The following GMCL1 variants were observed in gnomAD, a reference collection of about 807,000 sequenced individuals.
GMCL1 encodes germ cell-less 1, spermatogenesis associated.
A neutral mutation model predicts 75.5 loss-of-function variants in GMCL1; 54 were observed. The observed-to-expected ratio is 0.71, with a 90% CI of 0.57 to 0.90. GMCL1 has a LOEUF of 0.90. GMCL1 is among the 40% of genes least tolerant of loss of function. The pLI, the probability that GMCL1 is intolerant of heterozygous loss-of-function variation, is 0.00. For synonymous variants in GMCL1, 210 were observed against 209.6 expected, an observed-to-expected ratio of 1.00 and a Z score of -0.02; for missense variants, 537 against 622.7, an observed-to-expected ratio of 0.86 and a Z score of 1.47.
chr2:69,839,385 A>T, intron 2 of GMCL1, 72 bp from the exon 3 acceptor site: 1 of 904,426 alleles, frequency 1.1e-6, no homozygotes, highest in Non-Finnish European at 1.8e-6. Context: ...GTTGCTTAGA[A>T]TTAGAAATGG....
chr2:69,854,962 T>C lies in GMCL1; in HGVS notation c.1072+2T>C. Reference sequence around the variant, plus strand: ...AACAAGATGCTGTAGTACCTTCAGGTAAGAGAACATAATTTGTAATTTTAA... The same window carrying C: ...AACAAGATGCTGTAGTACCTTCAGGCAAGAGAACATAATTTGTAATTTTAA... On this transcript the variant is annotated splice_donor_variant, in intron 9 of 13. Transcript: ENST00000282570. LOFTEE classifies it high-confidence loss of function. The C allele has an allele frequency of 6.3e-7, 1 of 1,582,910 alleles. No homozygotes were observed. Among genetic ancestry groups the C allele is most frequent in the Non-Finnish European group, 8.6e-7 (1 of 1,163,014 alleles).
intron 2 of GMCL1, 122 bp downstream of exon 2, chr2:69,837,792 G>A: frequency 8.5e-7 from 1 of 1,170,398 alleles, no homozygotes; most frequent in Non-Finnish European, 1.2e-6. Flanking sequence ...CCTCTCATTT[G>A]ATCAGTCTGT....
intron 1 of GMCL1, among the ~76,000 whole-genome samples, chr2:69,831,638 C>T (rs1345575299): frequency 6.6e-6 from 1 of 151,950 alleles, no homozygotes; most frequent in East Asian, 1.9e-4. Flanking sequence ...GACAGGGTCT[C>T]GCTGTGTCGC....
intron 8 of GMCL1, among the ~76,000 whole-genome samples, 200 bp downstream of exon 8, chr2:69,849,942 G>T (rs531796924): frequency 6.6e-6 from 1 of 152,270 alleles, no homozygotes; most frequent in East Asian, 1.9e-4. Flanking sequence ...ATCAAGGCTA[G>T]ATAAGAAAAA....
intron 10 of GMCL1, among the ~76,000 whole-genome samples, chr2:69,863,903 A>G (rs934868439): frequency 3.3e-5 from 5 of 151,658 alleles, no homozygotes; most frequent in Admixed American, 6.6e-5. Context: ...TTTATCCACT[A>G]TTTCTTCTGC....
chr2:69,844,834 C>A, intron 6 of GMCL1: 1 of 377,788 alleles, frequency 2.6e-6, no homozygotes, highest in South Asian at 2.0e-5. Flanking sequence ...TTCACCGTCA[C>A]CTCCTGGTAC....
chr2:69,835,397 T>G (rs968903438), intron 1 of GMCL1, among the ~76,000 whole-genome samples: 1 of 152,074 alleles, frequency 6.6e-6, no homozygotes, highest in Admixed American at 6.5e-5. Context: ...CTCTTTTCCC[T>G]GAATTATATG....
intron 8 of GMCL1, 81 bp from the exon 9 acceptor site, chr2:69,854,742 T>A: frequency 9.0e-7 from 1 of 1,108,210 alleles, no homozygotes; most frequent in Non-Finnish European, 1.3e-6. Context: ...GACATGAATG[T>A]ACGTATCCCC....
Position 69,879,642 on chromosome 2 carries a change from AT to A in GMCL1, c.*640del, listed in dbSNP as rs1291739130. On this transcript the variant is annotated 3_prime_UTR_variant, in exon 14 of 14. Transcript: ENST00000282570. The stretch of plus-strand genomic sequence containing the variant: ...CTTTTTTTAAAACTTAAGCATTGTC[AT>A]TGCTATTTTTTTTAATTTGACTTTC... 1 of 152,066 alleles carries A rather than the reference AT, an allele frequency of 6.6e-6. No homozygotes were observed. The highest frequency in any genetic ancestry group is 1.5e-5 in the Non-Finnish European group (1 of 67,996). The allele number at this position is 152,066 out of a possible 1,614,324, so 9.4% of individuals were successfully genotyped here. A position where few individuals can be genotyped will look rare whatever the true frequency, so the allele number is the denominator to read the frequency against.
intron 12 of GMCL1, among the ~76,000 whole-genome samples, chr2:69,871,534 A>G (rs997040461): frequency 2.6e-5 from 4 of 152,336 alleles, no homozygotes; most frequent in African/African-American, 4.8e-5. Context: ...ACCACAATAA[A>G]AACATTTATA....
chr2:69,830,338 C>T (rs962304226), intron 1 of GMCL1, among the ~76,000 whole-genome samples, 186 bp downstream of exon 1: 1 of 152,180 alleles, frequency 6.6e-6, no homozygotes, highest in Admixed American at 6.5e-5. Flanking sequence ...TGGGAGACGC[C>T]AGGTGTTCCG....
intron 2 of GMCL1, among the ~76,000 whole-genome samples, chr2:69,838,212 C>T (rs1191044793): frequency 6.6e-6 from 1 of 151,762 alleles, no homozygotes; most frequent in Non-Finnish European, 1.5e-5. Flanking sequence ...TGTTGGGCAC[C>T]TGTAATCCCA....
In GMCL1 at chr2:69,869,332, C is replaced by T. The variant is rs75853541; in HGVS notation, c.1219-387C>T. Among the ~76,000 whole-genome samples the T allele has an allele frequency of 5.6e-3, 814 of 144,294 alleles. 20 individuals carry two copies. The East Asian group carries it at 0.061, about 11-fold the overall frequency. 94.7% of individuals were successfully genotyped at this position (144,294 alleles called of 152,430 possible). On this transcript the variant is annotated intron_variant, in intron 11 of 13. Coordinates refer to ENST00000282570, the MANE Select transcript of GMCL1 (RefSeq NM_178439.5). The stretch of plus-strand genomic sequence containing the variant: ...ACTTGGGAGGCTGAGGCAGGAGAAT[C>T]GCTTGAACCCGGGAGGTGGAGGTTG...
intron 8 of GMCL1, among the ~76,000 whole-genome samples, 188 bp downstream of exon 8, chr2:69,849,930 A>C (rs1238927425): frequency 6.6e-6 from 1 of 152,220 alleles, no homozygotes; most frequent in African/African-American, 2.4e-5. Context: ...TACAGTGAGA[A>C]AATCAAGGCT....
chr2:69,875,600 T>C (rs1478259146), intron 13 of GMCL1, among the ~76,000 whole-genome samples: 3 of 152,202 alleles, frequency 2.0e-5, no homozygotes, highest in African/African-American at 7.2e-5. Context: ...TTTTCTACAT[T>C]TACGTAGGTC....
chr2:69,841,098 G>A, intron 4 of GMCL1, 59 bp downstream of exon 4: 1 of 1,214,936 alleles, frequency 8.2e-7, no homozygotes, highest in Admixed American at 1.9e-5. Flanking sequence ...CTCAAAGTGT[G>A]TACTCCAAAA....
chr2:69,857,198 T>G (rs1675496571), intron 9 of GMCL1, among the ~76,000 whole-genome samples: 1 of 152,216 alleles, frequency 6.6e-6, no homozygotes, highest in African/African-American at 2.4e-5. Flanking sequence ...CTCCTGTCTT[T>G]TCTTCCCTCT....
intron 8 of GMCL1, 67 bp from the exon 9 acceptor site, chr2:69,854,756 C>G: frequency 7.4e-7 from 1 of 1,344,950 alleles, no homozygotes. Context: ...TATCCCCCGT[C>G]CACAAAAACA....
intron 1 of GMCL1, among the ~76,000 whole-genome samples, chr2:69,836,737 G>C (rs1674828874): frequency 6.6e-6 from 1 of 152,160 alleles, no homozygotes; most frequent in Non-Finnish European, 1.5e-5. Context: ...GGATCATTTT[G>C]AGCAATGATT....
Sources: gnomAD v4.1 joint callset for allele counts (sites outside exome capture counted in the v4.1 genomes callset) on GRCh38, gnomAD v4.1.1 for gene constraint, MANE v1.5 for transcripts, NCBI Gene and HGNC (gene_info 2026-07-23, HGNC 2026-07-21) for gene names.